The following IRF4 variants were observed in gnomAD, a reference collection of about 807,000 sequenced individuals.
IRF4 encodes interferon regulatory factor 4, also known as lymphocyte-specific interferon regulatory factor.
IRF4 carries 13 observed loss-of-function variants against 55.5 expected under a neutral mutation model. The observed-to-expected ratio is 0.23, with a 90% CI of 0.15 to 0.37. IRF4 has a LOEUF of 0.37. Ranked by LOEUF, IRF4 falls within the 10% of genes least tolerant of loss-of-function variation. The pLI, the probability that IRF4 is intolerant of heterozygous loss-of-function variation, is 1.00. For missense variants in IRF4, 397 were observed against 593.8 expected, an observed-to-expected ratio of 0.67 and a Z score of 3.44; for synonymous variants, 249 against 240.7, an observed-to-expected ratio of 1.03 and a Z score of -0.32.
rs1761184435 is a variant in IRF4 at position 393,754 on chromosome 6, C to T, written c.216+386C>T. Among the ~76,000 whole-genome samples, 1 of 152,212 alleles carries T rather than the reference C, an allele frequency of 6.6e-6. No individual in the cohort carries two copies. The highest frequency in any genetic ancestry group is 1.5e-5 in the Non-Finnish European group (1 of 68,030). ...TCCGTCCGTGGGTCCCCCTCGCCCT[C>T]TCCGTGCGTCCGCGCCTGTGCCGGC... On this transcript the variant is annotated intron_variant, in intron 2 of 8. Coordinates refer to ENST00000380956, the MANE Select transcript of IRF4 (RefSeq NM_002460.4). The surrounding 1 kb of genome is among the most constrained non-coding windows in gnomAD (Gnocchi z 5.4).
chr6:408,839 T>C lies in IRF4; in HGVS notation c.*1241T>C, dbSNP rs1180487770. ...ACGGAACTGCACACTCAGTGGGCTG[T>C]TTCTGCTTATTTCATCTGTTCTATG... On this transcript the variant is annotated 3_prime_UTR_variant, in exon 9 of 9. Transcript: ENST00000380956. 2 of 233,266 alleles carry C rather than the reference T, an allele frequency of 8.6e-6. No individual in the cohort carries two copies. The highest frequency in any genetic ancestry group is 6.0e-5 in the East Asian group (1 of 16,794). 14.4% of individuals were successfully genotyped at this position (233,266 alleles called of 1,614,324 possible). A position where few individuals can be genotyped will look rare whatever the true frequency, so the allele number is the denominator to read the frequency against.
At chr6:403,472 G>A (rs1408027019) in intron 7 of IRF4, among the ~76,000 whole-genome samples, 1 of 152,352 alleles carries the variant, frequency 6.6e-6, no homozygotes, top group East Asian at 1.9e-4. Context: ...CCTCTTGCTG[G>A]GCGTTTTTAG....
At chr6:398,347 A>G (rs1232884812) in intron 5 of IRF4, among the ~76,000 whole-genome samples, 1 of 152,252 alleles carries the variant, frequency 6.6e-6, no homozygotes, top group African/African-American at 2.4e-5. Context: ...TTTTCCATTC[A>G]TGTTTCATAC....
In IRF4 at chr6:401,795, C is replaced by T. The variant is rs747657702; in HGVS notation, c.1099+18C>T. On this transcript the variant is annotated intron_variant, in intron 7 of 8. Transcript: ENST00000380956. ...CTTGTCAGGTAAGGCACCTCGTTAT[C>T]TGTTAGAATGGAGGTGGTGATGGCC... 121 of 1,607,226 alleles carry T rather than the reference C, an allele frequency of 7.5e-5. 1 individual carries two copies. In the Middle Eastern group the frequency reaches 4.8e-3, roughly 64 times the overall value.
At position 410,245 on chromosome 6, in the gene IRF4, C is replaced by G. The variant is rs1761663756; in HGVS notation, c.*2647C>G. 4.4e-6 allele frequency: 1 copy of G among 228,546 alleles called. No individual in the cohort carries two copies. The highest frequency in any genetic ancestry group is 1.8e-4 in the South Asian group (1 of 5,482). 14.2% of individuals were successfully genotyped at this position (228,546 alleles called of 1,614,324 possible). On this transcript the variant is annotated 3_prime_UTR_variant, in exon 9 of 9. Transcript: ENST00000380956. ...AAAAAATGTATGTGTCTCCCAGGTG[C>G]ATTTCTTGGTTTATGTCTTGTTCTT...
chr6:393,100 C>T lies in IRF4; in HGVS notation c.-53C>T, dbSNP rs1364431683. ...AAGGGCAGCTCTTCTCCCCGCAGTGCAGAGCAGAGCGGGCGGAGGACCCCG... is the reference window on the plus strand; with the variant it reads ...AAGGGCAGCTCTTCTCCCCGCAGTGTAGAGCAGAGCGGGCGGAGGACCCCG... On this transcript the variant is annotated splice_region_variant and 5_prime_UTR_variant, in exon 2 of 9. Transcript: ENST00000380956. This position sits in a 1 kb window ranked among gnomAD's most constrained non-coding sequence, Gnocchi z 5.4. The T allele has an allele frequency of 1.3e-6, 2 of 1,491,570 alleles. No homozygotes were observed. Among genetic ancestry groups the T allele is most frequent in the African/African-American group, 2.8e-5 (2 of 71,770 alleles). 92.4% of individuals were successfully genotyped at this position (1,491,570 alleles called of 1,614,324 possible).
intron 6 of IRF4, among the ~76,000 whole-genome samples, chr6:399,255 A>G (rs1761341677): frequency 6.6e-6 from 1 of 152,160 alleles, no homozygotes; most frequent in Non-Finnish European, 1.5e-5. Flanking sequence ...TCTTCAGCCA[A>G]CATTCTCACG....
Position 411,337 on chromosome 6 carries a change from T to C in IRF4, c.*3739T>C, listed in dbSNP as rs1761696305. 1 of 219,784 alleles carries C rather than the reference T, an allele frequency of 4.5e-6. No homozygotes were observed. The highest frequency in any genetic ancestry group is 6.6e-5 in the East Asian group (1 of 15,240). The allele number at this position is 219,784 out of a possible 1,614,324, so 13.6% of individuals were successfully genotyped here. On this transcript the variant is annotated 3_prime_UTR_variant, in exon 9 of 9. Transcript: ENST00000380956. ...AACTGAGGTAGATAATGCTATGCTG[T>C]CGTTGGTATACATCATGAATTTTTA...
intron 8 of IRF4, chr6:406,862 T>G: frequency 9.1e-7 from 1 of 1,093,622 alleles, no homozygotes; most frequent in Non-Finnish European, 1.1e-6. Flanking sequence ...TGCTGTAAAT[T>G]CAGGAAAAGC....
chr6:391,966 C>T (rs936957961), intron 1 of IRF4, 157 bp downstream of exon 1: 2 of 417,464 alleles, frequency 4.8e-6, no homozygotes, highest in Admixed American at 2.5e-5. Context: ...ACTCCCACCC[C>T]ATCTGCGCTG....
chr6:395,246 G>C (rs968760049), intron 3 of IRF4, among the ~76,000 whole-genome samples: 6 of 150,394 alleles, frequency 4.0e-5, no homozygotes, highest in Non-Finnish European at 7.4e-5. Context: ...TATGGGGGGG[G>C]GTGCATTGAA....
rs183608973 is a variant in IRF4, at chr6:406,293, C to T, written c.1213-1162C>T. On this transcript the variant is annotated intron_variant, in intron 8 of 8. Transcript: ENST00000380956. ...GCACAGTGGCTCACGCCTGTAATCCCGGCACTTTGGGAGGCTGAGGCGGGC... is the reference window on the plus strand; with the variant it reads ...GCACAGTGGCTCACGCCTGTAATCCTGGCACTTTGGGAGGCTGAGGCGGGC... Among the ~76,000 whole-genome samples, 608 of 152,314 alleles carry T rather than the reference C, an allele frequency of 4.0e-3. 5 individuals carry two copies. Among genetic ancestry groups the T allele is most frequent in the African/African-American group, 0.014 (581 of 41,562 alleles).
At chr6:407,160 T>G (rs919087943) in intron 8 of IRF4, among the ~76,000 whole-genome samples, 3 of 152,204 alleles carry the variant, frequency 2.0e-5, no homozygotes, top group Non-Finnish European at 2.9e-5. Flanking sequence ...ATTTGATCAC[T>G]TTACTTGATT....
chr6:392,788 G>A (rs1056204544), intron 1 of IRF4, among the ~76,000 whole-genome samples: 1 of 152,204 alleles, frequency 6.6e-6, no homozygotes, highest in Non-Finnish European at 1.5e-5. Context: ...GCTGGGTGGG[G>A]AGAGAGGGTG....
rs1283603837 is a variant in IRF4 at position 409,881 on chromosome 6, T to C, written c.*2283T>C. Reference sequence around the variant, plus strand: ...TTTCAATTGCTTTGTGACTTCTTCTTCTTTGTTTTTTTAAATATTATGCTG... The same window carrying C: ...TTTCAATTGCTTTGTGACTTCTTCTCCTTTGTTTTTTTAAATATTATGCTG... On this transcript the variant is annotated 3_prime_UTR_variant, in exon 9 of 9. Coordinates refer to ENST00000380956, the MANE Select transcript of IRF4 (RefSeq NM_002460.4). 4.4e-6 allele frequency: 1 copy of C among 229,352 alleles called. No individual in the cohort carries two copies. Among genetic ancestry groups the C allele is most frequent in the Middle Eastern group, 1.3e-3 (1 of 758 alleles). The allele number at this position is 229,352 out of a possible 1,614,324, so 14.2% of individuals were successfully genotyped here.
rs1323096518 is a variant in IRF4 at position 401,529 on chromosome 6, C to T, written c.851C>T (p.Ala284Val). The T allele has an allele frequency of 2.5e-6, 4 of 1,613,972 alleles. No individual in the cohort carries two copies. In the African/African-American group the frequency reaches 4.0e-5, roughly 16 times the overall value. Residue 284 changes from alanine (A) to valine (V), a missense_variant, in exon 7 of 9, where the codon GCC (alanine) becomes GTC (valine). By Grantham distance (64) the Ala-to-Val change is moderately conservative. Around this residue, in one of 3 missense-constraint regions of IRF4, gnomAD observed 341 missense variants for 548.1 expected, o/e 0.62. Transcript: ENST00000380956. ...CRISHGHTYD[A>V]SNLDQVLFPY... The stretch of plus-strand genomic sequence containing the variant: ...ATCTCCCATGGACATACGTATGACG[C>T]CAGCAACCTGGACCAGGTCCTGTTC...
At chr6:407,434 T>G in intron 8 of IRF4, 21 bp from the exon 9 acceptor site, 1 of 1,590,854 alleles carries the variant, frequency 6.3e-7, no homozygotes, top group Non-Finnish European at 8.5e-7. Flanking sequence ...AGTAATGTCT[T>G]TTTAAAATCT....
At position 406,792 on chromosome 6, in the gene IRF4, C is replaced by T. The variant is rs1428057728; in HGVS notation, c.1213-663C>T. ...TACTTAGGAGTTTAGCTTAAGTCGT[C>T]ATATATAAAATACAGTCTCTAATAT... On this transcript the variant is annotated intron_variant, in intron 8 of 8. Coordinates refer to ENST00000380956, the MANE Select transcript of IRF4 (RefSeq NM_002460.4). The T allele has an allele frequency of 4.1e-6, 5 of 1,219,612 alleles. No homozygotes were observed. In the South Asian group the frequency reaches 7.0e-5, roughly 17 times the overall value. 75.5% of individuals were successfully genotyped at this position (1,219,612 alleles called of 1,614,324 possible).
Position 407,471 on chromosome 6 carries a change from C to T in IRF4, c.1229C>T (p.Ala410Val). The T allele has an allele frequency of 6.2e-7, 1 of 1,605,086 alleles. No individual in the cohort carries two copies. Residue 410 changes from alanine (A) to valine (V), a missense_variant, in exon 9 of 9, where the codon GCC becomes GTC. Around this residue, in one of 3 missense-constraint regions of IRF4, gnomAD observed 341 missense variants for 548.1 expected, o/e 0.62. Coordinates refer to ENST00000380956, the MANE Select transcript of IRF4 (RefSeq NM_002460.4). ...TTATTAAAGGTAGAACCTCTGCTAG[C>T]CAGACAACTATATTATTTTGCTCAA... ...LITAHVEPLL[A>V]RQLYYFAQQN...
Sources: allele counts gnomAD v4.1 joint callset (sites outside exome capture counted in the v4.1 genomes callset), GRCh38; gene constraint gnomAD v4.1.1; regional missense constraint gnomAD v4.1.1; non-coding constraint Gnocchi (gnomAD v3.1); transcripts MANE v1.5; gene names NCBI Gene and HGNC (gene_info 2026-07-23, HGNC 2026-07-21).